Variants in PLPP3 observed in about 807,000 individuals in gnomAD.
PLPP3 encodes phospholipid phosphatase 3, also known as PAP2 beta.
A neutral mutation model predicts 29.6 loss-of-function variants in PLPP3; 6 were observed. The observed-to-expected ratio is 0.20, with a 90% CI of 0.11 to 0.40. PLPP3 has a LOEUF of 0.40. PLPP3 is among the 10% of genes least tolerant of loss of function. PLPP3 has a pLI of 1.00. For missense variants in PLPP3, 308 were observed against 407.7 expected, an observed-to-expected ratio of 0.76 and a Z score of 2.11; for synonymous variants, 152 against 159.7, an observed-to-expected ratio of 0.95 and a Z score of 0.36.
At chr1:56,567,116 C>CGTCACA (rs1646166077) in intron 1 of PLPP3, among the ~76,000 whole-genome samples, 1 of 152,166 alleles carries the variant, frequency 6.6e-6, no homozygotes, top group South Asian at 2.1e-4. Flanking sequence ...AGAGTCTGTA[C>CGTCACA]GTCACAGTCA....
intron 1 of PLPP3, among the ~76,000 whole-genome samples, chr1:56,571,113 G>GA (rs1238602898): frequency 1.3e-5 from 2 of 152,154 alleles, no homozygotes; most frequent in African/African-American, 4.8e-5. Flanking sequence ...GTCCACATCC[G>GA]AAAAGCAGAA....
intron 1 of PLPP3, among the ~76,000 whole-genome samples, chr1:56,565,910 AT>A (rs1392997814): frequency 6.6e-6 from 1 of 152,194 alleles, no homozygotes; most frequent in Non-Finnish European, 1.5e-5. Flanking sequence ...AGTAAACTAT[AT>A]TTCACATCGT....
chr1:56,539,638 A>G (rs1334913607), intron 1 of PLPP3, among the ~76,000 whole-genome samples: 1 of 152,184 alleles, frequency 6.6e-6, no homozygotes, highest in Non-Finnish European at 1.5e-5. Context: ...TTAGGTTTTA[A>G]AACTTTGTCT....
chr1:56,511,052 T>C (rs1202286689), intron 5 of PLPP3, among the ~76,000 whole-genome samples: 1 of 152,180 alleles, frequency 6.6e-6, no homozygotes, highest in African/African-American at 2.4e-5. Context: ...CTAACAACAA[T>C]ACAACCTACA....
intron 5 of PLPP3, among the ~76,000 whole-genome samples, chr1:56,503,081 C>T (rs913941167): frequency 6.6e-6 from 1 of 151,980 alleles, no homozygotes; most frequent in African/African-American, 2.4e-5. Context: ...TCTTTGGCAG[C>T]CGTTTTTTTT....
intron 2 of PLPP3, among the ~76,000 whole-genome samples, chr1:56,532,147 C>G (rs1645893442): frequency 6.6e-6 from 1 of 152,154 alleles, no homozygotes; most frequent in Non-Finnish European, 1.5e-5. Context: ...AAATTTAGTG[C>G]ACTCTCCATG....
At chr1:56,557,040 G>GAAAGAAAGAAAGAAAGAAAGAA (rs1329774312) in intron 1 of PLPP3, among the ~76,000 whole-genome samples, 2 of 10,278 alleles carry the variant, frequency 1.9e-4, no homozygotes, top group Non-Finnish European at 7.8e-4. Context: ...GAGAGAGAGA[G>GAAAGAAAGAAAGAAAGAAAGAA]AGAGAGAGAG....
intron 5 of PLPP3, among the ~76,000 whole-genome samples, chr1:56,502,874 T>C (rs1281997240): frequency 6.6e-6 from 1 of 152,218 alleles, no homozygotes; most frequent in African/African-American, 2.4e-5. Context: ...CATGTGAGCG[T>C]AAAGACCATG....
At chr1:56,576,008 T>G (rs919102078) in intron 1 of PLPP3, among the ~76,000 whole-genome samples, 1 of 152,174 alleles carries the variant, frequency 6.6e-6, no homozygotes, top group Admixed American at 6.5e-5. Flanking sequence ...AATTAATCGG[T>G]AAAGATAGCT....
intron 1 of PLPP3, among the ~76,000 whole-genome samples, chr1:56,568,825 C>A (rs542333737): frequency 6.6e-6 from 1 of 152,196 alleles, no homozygotes; most frequent in East Asian, 2.0e-4. Flanking sequence ...TGGGGTTTCA[C>A]CATCTTGGCC....
intron 1 of PLPP3, among the ~76,000 whole-genome samples, chr1:56,576,518 T>G (rs1294493772): frequency 1.3e-5 from 2 of 152,172 alleles, no homozygotes; most frequent in African/African-American, 4.8e-5. Context: ...TGAGAGACAT[T>G]TAATTAGTGA....
At chr1:56,536,870 G>A in intron 2 of PLPP3, 85 bp downstream of exon 2, 1 of 1,535,456 alleles carries the variant, frequency 6.5e-7, no homozygotes, top group Non-Finnish European at 8.9e-7. Context: ...CTTGGTATAA[G>A]TCTCTGTTGG....
intron 4 of PLPP3, among the ~76,000 whole-genome samples, chr1:56,522,670 TG>T (rs982663574): frequency 2.0e-5 from 3 of 149,660 alleles, no homozygotes; most frequent in Non-Finnish European, 2.9e-5. Context: ...TAGAAAGGAT[TG>T]GGGGGAAAAA....
At chr1:56,572,002 C>G (rs1316889387) in intron 1 of PLPP3, among the ~76,000 whole-genome samples, 1 of 151,264 alleles carries the variant, frequency 6.6e-6, no homozygotes, top group Non-Finnish European at 1.5e-5. Flanking sequence ...ACAGAGGGTC[C>G]CCTAGATGAC....
intron 1 of PLPP3, among the ~76,000 whole-genome samples, chr1:56,562,036 CAAAAAAAAAAAAAA>C (rs71048439): frequency 8.2e-4 from 42 of 50,972 alleles, no homozygotes; most frequent in African/African-American, 3.4e-3. Context: ...CTCCGTTTCA[CAAAAAAAAAAAAAA>C]AAAAAAAAAA....
rs757567588 is a variant in PLPP3 at position 56,578,939 on chromosome 1, C to T, written c.78G>A (p.Pro26=). The T allele has an allele frequency of 2.5e-6, 4 of 1,606,366 alleles. No homozygotes were observed. In the East Asian group the frequency reaches 9.1e-5, roughly 37 times the overall value. The change falls in exon 1 of 6, where the codon CCG becomes CCA. Residue 26 remains proline (P), a synonymous_variant. Coordinates refer to ENST00000371250, the MANE Select transcript of PLPP3 (RefSeq NM_003713.5). The part of the protein sequence containing the change: ...NGGSPALNNN[P]RRSGSKRVLL... ...GCACCCGCTTGCTGCCGCTCCTCCT[C>T]GGGTTGTTGTTGAGCGCCGGGCTGC...
intron 1 of PLPP3, among the ~76,000 whole-genome samples, chr1:56,571,282 A>G (rs1646196440): frequency 6.6e-6 from 1 of 152,192 alleles, no homozygotes; most frequent in South Asian, 2.1e-4. Flanking sequence ...GAGTGTCTCT[A>G]TGCACCAGGC....
intron 1 of PLPP3, among the ~76,000 whole-genome samples, chr1:56,548,310 AC>A (rs1247067311): frequency 6.6e-6 from 1 of 152,186 alleles, no homozygotes; most frequent in Non-Finnish European, 1.5e-5. Flanking sequence ...CTCAATACAA[AC>A]CTTGAAAGCT....
rs868617753 is a variant in PLPP3 at position 56,534,791 on chromosome 1, A to T, written c.297+2164T>A. On this transcript the variant is annotated intron_variant, in intron 2 of 5. Coordinates refer to ENST00000371250, the MANE Select transcript of PLPP3 (RefSeq NM_003713.5). ...TGTGAGTACCCTTGATAGTTATGAC[A>T]GGTAAGCAGGCTAGGAGGCTTCATT... Among the ~76,000 whole-genome samples, 4 of 152,276 alleles carry T rather than the reference A, an allele frequency of 2.6e-5. No individual in the cohort carries two copies. In the South Asian group the frequency reaches 8.3e-4, roughly 32 times the overall value.
Sources: gnomAD v4.1 joint callset for allele counts (sites outside exome capture counted in the v4.1 genomes callset) on GRCh38, gnomAD v4.1.1 for gene constraint, MANE v1.5 for transcripts, NCBI Gene and HGNC (gene_info 2026-07-23, HGNC 2026-07-21) for gene names.